Variants in USP10 observed in about 807,000 individuals in gnomAD.
USP10 encodes ubiquitin specific peptidase 10, also known as ubiquitin carboxyl-terminal hydrolase 10.
USP10 carries 22 observed loss-of-function variants against 84.5 expected under a neutral mutation model. That is an observed-to-expected ratio of 0.26 (90% CI 0.19 to 0.37). The LOEUF is 0.37. USP10 is among the 10% of genes least tolerant of loss of function. The pLI, the probability that USP10 is intolerant of heterozygous loss-of-function variation, is 1.00. For synonymous variants in USP10, 454 were observed against 387.6 expected (o/e 1.17, Z -2.01); for missense variants, 1,019 against 998.9 (o/e 1.02, Z -0.27).
At chr16:84,759,288 TTGTGCTTCA>T in intron 5 of USP10, 66 bp from the exon 6 acceptor site, 1 of 1,363,948 alleles carries the variant, frequency 7.3e-7, no homozygotes, top group Non-Finnish European at 1.0e-6. Flanking sequence ...ATAAACATTC[TTGTGCTTCA>T]TGTGCCTTCA....
At chr16:84,763,485 T>G (rs769138888) in intron 9 of USP10, among the ~76,000 whole-genome samples, 1 of 152,208 alleles carries the variant, frequency 6.6e-6, no homozygotes, top group Non-Finnish European at 1.5e-5. Context: ...TGATTCAAAG[T>G]TAAGTTGCAG....
chr16:84,700,172 C>CGGCG (rs1198541867), intron 1 of USP10, 61 bp downstream of exon 1: 4 of 1,183,460 alleles, frequency 3.4e-6, no homozygotes, highest in African/African-American at 1.6e-5. Flanking sequence ...GCGGACGCCG[C>CGGCG]GGCGGGCGGG....
At chr16:84,718,060 T>C (rs1907285935) in intron 1 of USP10, among the ~76,000 whole-genome samples, 1 of 152,174 alleles carries the variant, frequency 6.6e-6, no homozygotes, top group Admixed American at 6.5e-5. Flanking sequence ...ATTACTTGTC[T>C]TATAGAGTTG....
chr16:84,775,640 C>T (rs991187175), intron 13 of USP10, among the ~76,000 whole-genome samples: 6 of 152,204 alleles, frequency 3.9e-5, no homozygotes, highest in African/African-American at 1.2e-4. Context: ...CGTCCTCCCC[C>T]ACAGGTATTG....
chr16:84,766,490 G>T (rs893680558), intron 10 of USP10, among the ~76,000 whole-genome samples: 1 of 152,264 alleles, frequency 6.6e-6, no homozygotes, highest in African/African-American at 2.4e-5. Context: ...TGCTCCTTCA[G>T]CCCAGCAGCC....
At chr16:84,753,499 A>T (rs1288019756) in intron 4 of USP10, among the ~76,000 whole-genome samples, 3 of 152,138 alleles carry the variant, frequency 2.0e-5, no homozygotes, top group Admixed American at 6.5e-5. Flanking sequence ...TTATGTATTT[A>T]CATGCGTGCT....
chr16:84,744,764 A>T lies in USP10; in HGVS notation c.283A>T (p.Thr95Ser). 1 of 1,613,774 alleles carries T rather than the reference A, an allele frequency of 6.2e-7. No individual in the cohort carries two copies. Among genetic ancestry groups the T allele is most frequent in the Non-Finnish European group, 8.5e-7 (1 of 1,179,722 alleles). Residue 95 changes from threonine to serine, a missense_variant, in exon 4 of 14, where the codon ACA becomes TCA. By Grantham distance (58) the Thr-to-Ser change is moderately conservative. Transcript: ENST00000219473. ...PQAPEFILGC[T>S]ASKITPDGIT... is the part of the protein sequence containing the mutation. ...GGCCCCTGAATTTATTCTCGGTTGT[A>T]CAGCTTCCAAAATAACCCCTGATGG... is the stretch of plus-strand genomic sequence containing the variant.
intron 4 of USP10, among the ~76,000 whole-genome samples, chr16:84,748,903 A>G (rs1163383497): frequency 1.3e-5 from 2 of 152,232 alleles, no homozygotes; most frequent in African/African-American, 2.4e-5. Flanking sequence ...GTGTGGACAT[A>G]TTGTAAACCC....
intron 4 of USP10, among the ~76,000 whole-genome samples, chr16:84,747,226 A>G (rs1185290725): frequency 6.6e-6 from 1 of 152,182 alleles, no homozygotes; most frequent in Non-Finnish European, 1.5e-5. Flanking sequence ...GCCAAGTTAA[A>G]ATAAGCTGTT....
At chr16:84,755,350 C>T (rs1250114163) in intron 4 of USP10, among the ~76,000 whole-genome samples, 1 of 151,848 alleles carries the variant, frequency 6.6e-6, no homozygotes, top group Non-Finnish European at 1.5e-5. Context: ...TTCGCTGCAT[C>T]TTCCTGGATC....
rs1911201872 is a variant in USP10 at position 84,746,154 on chromosome 16, G to C, written c.1192+481G>C. Among the ~76,000 whole-genome samples, 3 of 96,920 alleles carry C rather than the reference G, an allele frequency of 3.1e-5. 1 individual carries two copies. In the South Asian group the frequency reaches 1.6e-3, roughly 52 times the overall value. 63.6% of individuals were successfully genotyped at this position (96,920 alleles called of 152,430 possible). On this transcript the variant is annotated intron_variant, in intron 4 of 13. Coordinates refer to ENST00000219473, the MANE Select transcript of USP10 (RefSeq NM_005153.3). ...TCAGAATTTTGATACACCAAGGTCA[G>C]CTCTTGAAGAGAAAAAAAATGTTAA...
intron 10 of USP10, among the ~76,000 whole-genome samples, chr16:84,764,602 G>A (rs1168748504): frequency 6.6e-6 from 1 of 152,124 alleles, no homozygotes. Flanking sequence ...AGGCCAAGGC[G>A]GGTGGATCAC....
At chr16:84,750,608 C>G (rs1332842883) in intron 4 of USP10, among the ~76,000 whole-genome samples, 2 of 152,092 alleles carry the variant, frequency 1.3e-5, no homozygotes, top group East Asian at 3.8e-4. Context: ...TGTACTTTTC[C>G]TGGGTCTTTA....
intron 3 of USP10, 137 bp from the exon 4 acceptor site, chr16:84,744,496 C>G (rs879703406): frequency 4.0e-6 from 3 of 742,968 alleles, no homozygotes; most frequent in Non-Finnish European, 6.2e-6. Flanking sequence ...AATTGTTCAG[C>G]GTAAGTAAAG....
At chr16:84,755,441 C>T (rs767733285) in intron 4 of USP10, among the ~76,000 whole-genome samples, 1 of 151,634 alleles carries the variant, frequency 6.6e-6, no homozygotes, top group African/African-American at 2.4e-5. Flanking sequence ...TGTCTTCACT[C>T]CTACACGCTG....
intron 1 of USP10, among the ~76,000 whole-genome samples, chr16:84,724,348 G>A (rs183605150): frequency 6.6e-6 from 1 of 152,314 alleles, no homozygotes; most frequent in East Asian, 1.9e-4. Flanking sequence ...CTCCATGAAA[G>A]CACTTAATAT....
chr16:84,773,124 CACTT>C (rs1914624556), intron 12 of USP10, among the ~76,000 whole-genome samples: 1 of 152,174 alleles, frequency 6.6e-6, no homozygotes, highest in Non-Finnish European at 1.5e-5. Context: ...TAAGACGTGG[CACTT>C]ACCAGCCTCA....
chr16:84,728,221 C>A (rs1908760851), intron 1 of USP10, among the ~76,000 whole-genome samples: 1 of 152,198 alleles, frequency 6.6e-6, no homozygotes, highest in Non-Finnish European at 1.5e-5. Context: ...TTTGGTGTCA[C>A]AAACATGCCT....
At chr16:84,757,778 C>T (rs1912757349) in intron 4 of USP10, among the ~76,000 whole-genome samples, 2 of 152,144 alleles carry the variant, frequency 1.3e-5, no homozygotes, top group South Asian at 4.1e-4. Context: ...TGCTACCTGG[C>T]TCCTGTGTGA....
Sources: gnomAD v4.1 joint callset for allele counts (sites outside exome capture counted in the v4.1 genomes callset) on GRCh38, gnomAD v4.1.1 for gene constraint, MANE v1.5 for transcripts, NCBI Gene and HGNC (gene_info 2026-07-23, HGNC 2026-07-21) for gene names.